Variants in LRRC43 observed in about 807,000 individuals in gnomAD.
LRRC43 encodes the protein leucine rich repeat containing 43, also known as leucine-rich repeat-containing protein 43.
A neutral mutation model predicts 64.3 loss-of-function variants in LRRC43; 62 were observed. The observed-to-expected ratio is 0.96, with a 90% CI of 0.79 to 1.19. The LOEUF is 1.19. Among genes scored for constraint, LRRC43 ranks in the 50% most tolerant of loss-of-function variants. The pLI is 0.00. For missense variants in LRRC43, 868 were observed against 845.0 expected (o/e 1.03, Z -0.34); for synonymous variants, 422 against 382.3 (o/e 1.10, Z -1.21).
intron 1 of LRRC43, chr12:122,173,857 A>AT: frequency 6.2e-7 from 1 of 1,613,872 alleles, no homozygotes; most frequent in South Asian, 1.1e-5. Flanking sequence ...TTTCAAAAGC[A>AT]TCTTCGAGAG....
chr12:122,171,472 C>T (rs545978612), intron 1 of LRRC43, among the ~76,000 whole-genome samples: 2 of 152,152 alleles, frequency 1.3e-5, no homozygotes, highest in South Asian at 2.1e-4. Flanking sequence ...AGCAATCCTC[C>T]CACCTCAGCC....
At chr12:122,202,370 C>A (rs1411878453) in intron 11 of LRRC43, 1 of 151,886 alleles carries the variant, frequency 6.6e-6, no homozygotes, top group African/African-American at 2.4e-5. Flanking sequence ...TTTTAATAGA[C>A]CTTAAAATAA....
At chr12:122,169,920 C>T (rs1196794804) in intron 1 of LRRC43, among the ~76,000 whole-genome samples, 3 of 151,988 alleles carry the variant, frequency 2.0e-5, no homozygotes, top group East Asian at 3.9e-4. Context: ...GCAAGTGGTA[C>T]CTCAGCCTCC....
chr12:122,174,609 C>T (rs985127399), intron 1 of LRRC43, among the ~76,000 whole-genome samples: 7 of 152,134 alleles, frequency 4.6e-5, no homozygotes, highest in South Asian at 2.1e-4. Context: ...AATGCGAAGC[C>T]GGCATGAGAT....
intron 6 of LRRC43, among the ~76,000 whole-genome samples, chr12:122,192,159 A>G (rs1953725596): frequency 6.6e-6 from 1 of 150,434 alleles, no homozygotes; most frequent in East Asian, 2.0e-4. Flanking sequence ...TGTGTGTGTG[A>G]TGGAGTCTCG....
At chr12:122,168,123 T>A (rs1488852877) in intron 1 of LRRC43, among the ~76,000 whole-genome samples, 3 of 140,016 alleles carry the variant, frequency 2.1e-5, no homozygotes, top group Non-Finnish European at 3.1e-5. Context: ...CAAAAAAAAA[T>A]GTTTTAAGTA....
rs1953514955 is a variant in LRRC43 at position 122,174,075 on chromosome 12, A to G, written c.-406+6293A>G. 10 of 1,613,692 alleles carry G rather than the reference A, an allele frequency of 6.2e-6. No homozygotes were observed. In the South Asian group the frequency reaches 9.9e-5, roughly 16 times the overall value. ...CCATCCCTGCAGCCCTGCTGAGCCA[A>G]CCCTGGGGGTAGTGCTTCCAGAATC... On this transcript the variant is annotated intron_variant, in intron 1 of 5. Coordinates refer to the LRRC43 transcript ENST00000537729.
intron 1 of LRRC43, chr12:122,172,150 GAGGGTATAATAAGT>G: frequency 2.8e-6 from 1 of 354,284 alleles, no homozygotes; most frequent in African/African-American, 2.1e-5. Flanking sequence ...CCACCCTCAC[GAGGGTATAATAAGT>G]AAGACTTAAG....
chr12:122,197,495 C>A (rs972554678), intron 7 of LRRC43, among the ~76,000 whole-genome samples: 2 of 152,100 alleles, frequency 1.3e-5, no homozygotes, highest in Non-Finnish European at 2.9e-5. Flanking sequence ...TCCTCTACAT[C>A]CTGTTCGCTA....
intron 4 of LRRC43, chr12:122,189,360 C>A: frequency 6.6e-6 from 3 of 452,890 alleles, no homozygotes; most frequent in East Asian, 1.4e-4. Context: ...GGAAGGGAAG[C>A]CCCCTCTCTG....
At position 122,172,190 on chromosome 12, in the gene LRRC43, C is replaced by G. The variant is rs116179942; in HGVS notation, c.-406+4408C>G. The G allele has an allele frequency of 4.9e-4, 237 of 487,502 alleles. 1 individual carries two copies. Among genetic ancestry groups the G allele is most frequent in the African/African-American group, 4.2e-3 (219 of 51,778 alleles). 30.2% of individuals were successfully genotyped at this position (487,502 alleles called of 1,614,324 possible). On this transcript the variant is annotated intron_variant, in intron 1 of 5. Coordinates refer to the LRRC43 transcript ENST00000537729. ...AAGACTTAAGCCTGCAGAAGAAAAG[C>G]ATTCCATAAATACCAAGACTAATAA...
At chr12:122,192,677 A>AC in intron 6 of LRRC43, 68 bp from the exon 7 acceptor site, 1 of 1,561,870 alleles carries the variant, frequency 6.4e-7, no homozygotes, top group African/African-American at 1.4e-5. Context: ...TGTTACAGAC[A>AC]CCCCCGGCAT....
At chr12:122,201,029 G>A in intron 10 of LRRC43, 95 bp downstream of exon 10, 1 of 1,425,642 alleles carries the variant, frequency 7.0e-7, no homozygotes, top group Non-Finnish European at 9.5e-7. Flanking sequence ...CAGGTCACGG[G>A]ATGGGGAGGA....
At chr12:122,188,406 CTAATTTTTTTATTT>C (rs1327988148) in intron 4 of LRRC43, among the ~76,000 whole-genome samples, 330 of 151,508 alleles carry the variant, frequency 2.2e-3, no homozygotes, top group East Asian at 4.1e-3. Flanking sequence ...TGTGCCCGGC[CTAATTTTTTTATTT>C]TAATTTTTTT....
rs200715996 is a variant in LRRC43 at position 122,190,110 on chromosome 12, C to T, written c.663-20C>T. ...CTCACCTGGCTTCTTGACCCCCAGA[C>T]GGTCCTGCTCACCTTCCAGGCCCAA... On this transcript the variant is annotated intron_variant, in intron 4 of 11. Transcript: ENST00000339777. The T allele has an allele frequency of 2.8e-5, 45 of 1,598,450 alleles. No homozygotes were observed. The African/African-American group carries it at 3.5e-4, about 12-fold the overall frequency.
At chr12:122,172,859 T>C (rs1953501508) in intron 1 of LRRC43, 1 of 794,288 alleles carries the variant, frequency 1.3e-6, no homozygotes, top group Non-Finnish European at 2.0e-6. Context: ...ATCTGATCAA[T>C]GTCACAACCC....
chr12:122,191,680 A>C, intron 6 of LRRC43, 113 bp downstream of exon 6: 2 of 840,134 alleles, frequency 2.4e-6, no homozygotes. Context: ...ATTGAGGAGG[A>C]GTCTCGCTCT....
At chr12:122,182,878 T>C (rs1953594917), upstream of LRRC43, 1 of 507,362 alleles carries the variant, frequency 2.0e-6, no homozygotes, top group Non-Finnish European at 3.4e-6. Flanking sequence ...CAGATGGGTA[T>C]AGGATGACTT....
chr12:122,199,574 G>C (rs1320864208), intron 7 of LRRC43, among the ~76,000 whole-genome samples: 1 of 151,588 alleles, frequency 6.6e-6, no homozygotes, highest in Non-Finnish European at 1.5e-5. Flanking sequence ...GAGTCACCCT[G>C]CCCGGCCTCT....
Sources: gnomAD v4.1 joint callset for allele counts (sites outside exome capture counted in the v4.1 genomes callset) on GRCh38, gnomAD v4.1.1 for gene constraint, MANE v1.5 for transcripts, NCBI Gene and HGNC (gene_info 2026-07-23, HGNC 2026-07-21) for gene names.